METTL16: variants seen among roughly 807,000 people sequenced by gnomAD.
The protein encoded by METTL16 is RNA N(6)-adenosine-methyltransferase METTL16.
METTL16 carries 19 observed loss-of-function variants against 57.9 expected under a neutral mutation model. The observed-to-expected ratio is 0.33, with a 90% CI of 0.23 to 0.48. The LOEUF (loss-of-function observed/expected upper bound fraction) is 0.48, where lower values mean the gene tolerates loss of function less well. Ranked by LOEUF, METTL16 falls within the 20% of genes least tolerant of loss-of-function variation. The probability of loss-of-function intolerance (pLI) is 0.99; values close to 1 mark genes in which losing one functional copy is unlikely to be tolerated. For missense variants in METTL16, 434 were observed against 691.5 expected (o/e 0.63, Z 4.18); for synonymous variants, 246 against 255.6 (o/e 0.96, Z 0.36).
chr17:2,455,979 T>C (rs1436332018), intron 6 of METTL16, among the ~76,000 whole-genome samples: 2 of 151,712 alleles, frequency 1.3e-5, no homozygotes, highest in East Asian at 3.9e-4. Context: ...CAAGACCCTG[T>C]CTCGAAAATT....
At chr17:2,451,035 C>T (rs561145436) in intron 6 of METTL16, among the ~76,000 whole-genome samples, 1 of 151,936 alleles carries the variant, frequency 6.6e-6, no homozygotes, top group African/African-American at 2.4e-5. Flanking sequence ...GTATTTCGAC[C>T]TCATACATTA....
intron 1 of METTL16, among the ~76,000 whole-genome samples, chr17:2,503,505 A>C (rs7222206): frequency 0.22 from 32,749 of 151,432 alleles, 3,490 homozygotes; most frequent in East Asian, 0.34. Context: ...TCCATACACT[A>C]AATATGGGTC....
downstream of METTL16, chr17:2,415,914 G>A (rs940087545): frequency 3.3e-5 from 5 of 152,062 alleles, no homozygotes; most frequent in African/African-American, 1.2e-4. Flanking sequence ...TGGATCCAAA[G>A]GACTGGCCCA....
At chr17:2,435,233 AG>A (rs2066901045) in intron 8 of METTL16, among the ~76,000 whole-genome samples, 1 of 152,216 alleles carries the variant, frequency 6.6e-6, no homozygotes, top group Admixed American at 6.5e-5. Context: ...GAAACGAGTC[AG>A]TAGGCCTGAG....
chr17:2,505,888 T>C (rs2067529109), intron 1 of METTL16, among the ~76,000 whole-genome samples: 1 of 152,162 alleles, frequency 6.6e-6, no homozygotes, highest in Admixed American at 6.5e-5. Context: ...GACCTGGCCT[T>C]GCCTATCTTT....
Position 2,417,085 on chromosome 17 carries a change from T to TTTTTTTTTTTTTTTA in METTL16, c.*2884_*2885insTAAAAAAAAAAAAAA, listed in dbSNP as rs869134753. 73 of 138,426 alleles carry TTTTTTTTTTTTTTTA rather than the reference T, an allele frequency of 5.3e-4. 4 individuals are homozygous for TTTTTTTTTTTTTTTA. Among genetic ancestry groups the TTTTTTTTTTTTTTTA allele is most frequent in the African/African-American group, 2.0e-3 (69 of 35,034 alleles). 8.6% of individuals were successfully genotyped at this position (138,426 alleles called of 1,614,324 possible). A position where few individuals can be genotyped will look rare whatever the true frequency, so the allele number is the denominator to read the frequency against. On this transcript the variant is annotated 3_prime_UTR_variant, in exon 10 of 10. Transcript: ENST00000263092. ...TTTTTTTTTTTTTTTTTTTTTTTTT[T>TTTTTTTTTTTTTTTA]GAGACAGTCCCACTTTGTCGCCCAG...
At chr17:2,441,884 G>C (rs1239888408) in intron 6 of METTL16, among the ~76,000 whole-genome samples, 1 of 152,116 alleles carries the variant, frequency 6.6e-6, no homozygotes, top group Non-Finnish European at 1.5e-5. Context: ...TTATCTCTAG[G>C]ACAGAAATTA....
chr17:2,473,753 T>C, intron 3 of METTL16, 89 bp from the exon 4 acceptor site: 1 of 1,385,194 alleles, frequency 7.2e-7, no homozygotes, highest in Non-Finnish European at 9.8e-7. Flanking sequence ...CAGAATTCTG[T>C]TTGCAGACAG....
chr17:2,464,628 GCTTT>G (rs1306172843), intron 5 of METTL16, among the ~76,000 whole-genome samples: 2 of 151,890 alleles, frequency 1.3e-5, no homozygotes, highest in African/African-American at 4.8e-5. Context: ...TTTTCTTTAT[GCTTT>G]CTTTCTCCTG....
intron 4 of METTL16, among the ~76,000 whole-genome samples, chr17:2,469,504 T>C (rs374738410): frequency 6.6e-6 from 1 of 152,316 alleles, no homozygotes; most frequent in East Asian, 1.9e-4. Context: ...TGACTATTTC[T>C]AGCACAGTTC....
intron 4 of METTL16, 92 bp from the exon 5 acceptor site, chr17:2,467,968 G>T: frequency 1.2e-6 from 1 of 835,726 alleles, no homozygotes; most frequent in Non-Finnish European, 2.0e-6. Context: ...TTGGTCAACT[G>T]CATATATGAT....
intron 8 of METTL16, among the ~76,000 whole-genome samples, chr17:2,424,767 T>G (rs1302129698): frequency 1.3e-5 from 2 of 151,828 alleles, no homozygotes; most frequent in Admixed American, 1.3e-4. Flanking sequence ...GACAATATGG[T>G]GAAATCCCAT....
At chr17:2,430,412 C>CA (rs2066863965) in intron 8 of METTL16, among the ~76,000 whole-genome samples, 2 of 118,496 alleles carry the variant, frequency 1.7e-5, no homozygotes, top group African/African-American at 6.7e-5. Flanking sequence ...TTAGAATTCT[C>CA]TTTTTTTTTT....
chr17:2,469,571 T>G (rs909334871), intron 4 of METTL16, among the ~76,000 whole-genome samples: 1 of 148,710 alleles, frequency 6.7e-6, no homozygotes, highest in Non-Finnish European at 1.5e-5. Flanking sequence ...TAGAACAGGA[T>G]AGAGTGCAGC....
intron 2 of METTL16, among the ~76,000 whole-genome samples, chr17:2,489,655 C>T (rs2067369753): frequency 7.4e-6 from 1 of 135,372 alleles, no homozygotes; most frequent in Non-Finnish European, 1.5e-5. Flanking sequence ...AGGAGAATCG[C>T]TTGAACCTGA....
At position 2,420,271 on chromosome 17, in the gene METTL16, G is replaced by A. The variant is rs199862913; in HGVS notation, c.1388C>T (p.Thr463Met). Residue 463 changes from threonine (T) to methionine (M), a missense_variant, in exon 10 of 10, where the codon ACG becomes ATG. Thr to Met is a moderately conservative substitution (Grantham distance 81, BLOSUM62 -1). Transcript: ENST00000263092. This position sits in a 1 kb window ranked among gnomAD's most constrained non-coding sequence, Gnocchi z 5.4. ...CTTTTCCTCACTCCTTTCATCCTCCGTGGGTTCCGGGTTTTCCTCCTGGGA... is the reference window on the plus strand; with the variant it reads ...CTTTTCCTCACTCCTTTCATCCTCCATGGGTTCCGGGTTTTCCTCCTGGGA... ...SLSQEENPEP[T>M]EDERSEEKGG... 29 of 1,613,674 alleles carry A rather than the reference G, an allele frequency of 1.8e-5. No individual in the cohort carries two copies. The highest frequency in any genetic ancestry group is 2.2e-5 in the Non-Finnish European group (26 of 1,180,010).
intron 2 of METTL16, among the ~76,000 whole-genome samples, chr17:2,501,148 T>C (rs904871259): frequency 2.6e-5 from 4 of 152,078 alleles, no homozygotes; most frequent in African/African-American, 9.7e-5. Flanking sequence ...AAAAATCAAC[T>C]TTCTGGCTTG....
chr17:2,509,066 AG>A, intron 1 of METTL16, among the ~76,000 whole-genome samples: 1 of 151,670 alleles, frequency 6.6e-6, no homozygotes, highest in East Asian at 1.9e-4. Context: ...CAATCCAATC[AG>A]ATGCCCATCT....
rs554896936 is a variant in METTL16 at position 2,417,511 on chromosome 17, T to C, written c.*2459A>G. Reference sequence around the variant, plus strand: ...CAATACACAGAGCATTCTCTGGAAATCCCTACGACACAGGCTTAAAGGCCA... The same window carrying C: ...CAATACACAGAGCATTCTCTGGAAACCCCTACGACACAGGCTTAAAGGCCA... On this transcript the variant is annotated 3_prime_UTR_variant, in exon 10 of 10. Coordinates refer to ENST00000263092, the MANE Select transcript of METTL16 (RefSeq NM_024086.4). 6.6e-6 allele frequency: 1 copy of C among 152,234 alleles called. No homozygotes were observed. The highest frequency in any genetic ancestry group is 2.4e-5 in the African/African-American group (1 of 41,536). 9.4% of individuals were successfully genotyped at this position (152,234 alleles called of 1,614,324 possible). A position where few individuals can be genotyped will look rare whatever the true frequency, so the allele number is the denominator to read the frequency against.
Sources: allele counts gnomAD v4.1 joint callset (sites outside exome capture counted in the v4.1 genomes callset), GRCh38; gene constraint gnomAD v4.1.1; non-coding constraint Gnocchi (gnomAD v3.1); transcripts MANE v1.5; gene names NCBI Gene and HGNC (gene_info 2026-07-23, HGNC 2026-07-21).